BMERB1: variants seen among roughly 807,000 people sequenced by gnomAD.
BMERB1 encodes bMERB domain-containing protein 1.
BMERB1 carries 12 observed loss-of-function variants against 23.6 expected under a neutral mutation model. That is an observed-to-expected ratio of 0.51 (90% CI 0.33 to 0.82). The LOEUF (loss-of-function observed/expected upper bound fraction) is 0.82, where lower values mean the gene tolerates loss of function less well. Among genes scored for constraint, BMERB1 ranks in the 40% least tolerant of loss-of-function variants. The probability of loss-of-function intolerance (pLI) is 0.03; values close to 1 mark genes in which losing one functional copy is unlikely to be tolerated. For missense variants in BMERB1, 247 were observed against 255.4 expected (o/e 0.97, Z 0.22); for synonymous variants, 122 against 96.6 (o/e 1.26, Z -1.54).
At chr16:15,581,422 A>T (rs2031012478) in intron 4 of BMERB1, 91 bp downstream of exon 4, 1 of 1,043,198 alleles carries the variant, frequency 9.6e-7, no homozygotes, top group South Asian at 1.6e-5. Flanking sequence ...TGGGACTCAC[A>T]GCCTTGCCTA....
intron 2 of BMERB1, among the ~76,000 whole-genome samples, chr16:15,545,180 C>T (rs910428610): frequency 1.3e-5 from 2 of 152,052 alleles, no homozygotes; most frequent in Non-Finnish European, 2.9e-5. Flanking sequence ...ACCATGTTGG[C>T]CAGGCTGGTC....
chr16:15,536,331 CGAG>C, intron 2 of BMERB1, among the ~76,000 whole-genome samples: 1 of 152,172 alleles, frequency 6.6e-6, no homozygotes, highest in South Asian at 2.1e-4. Flanking sequence ...GCTTGGCAGA[CGAG>C]GCAGCAGCCC....
intron 1 of BMERB1, among the ~76,000 whole-genome samples, chr16:15,494,207 C>T (rs909844938): frequency 6.6e-6 from 1 of 152,096 alleles, no homozygotes; most frequent in Non-Finnish European, 1.5e-5. Flanking sequence ...CAATTTTAAC[C>T]GGGCAATTGT....
rs1033293328 is a variant in BMERB1, at chr16:15,510,906, T to C, written c.107-4399T>C. 1.6e-4 allele frequency among the ~76,000 whole-genome samples: 25 copies of C among 152,188 alleles called. No homozygotes were observed. In the East Asian group the frequency reaches 4.1e-3, roughly 25 times the overall value. ...TAGTAGAGACTGGATTTCACCGTGTTGGTCACACTGGTCTCGAACTCCTGA... is the reference window on the plus strand; with the variant it reads ...TAGTAGAGACTGGATTTCACCGTGTCGGTCACACTGGTCTCGAACTCCTGA... On this transcript the variant is annotated intron_variant, in intron 1 of 5. Transcript: ENST00000300006.
chr16:15,515,221 G>C (rs1598486350), intron 1 of BMERB1, 84 bp from the exon 2 acceptor site: 2 of 1,588,176 alleles, frequency 1.3e-6, no homozygotes, highest in East Asian at 4.5e-5. Flanking sequence ...CGCAGAGCAA[G>C]GCTGTGCCCT....
At chr16:15,438,680 G>A (rs895931588) in intron 1 of BMERB1, among the ~76,000 whole-genome samples, 2 of 152,116 alleles carry the variant, frequency 1.3e-5, no homozygotes, top group South Asian at 2.1e-4. Flanking sequence ...GGCTGGTCTC[G>A]AACTCCTGGC....
chr16:15,438,464 ATT>A (rs201673443), intron 1 of BMERB1, among the ~76,000 whole-genome samples: 225 of 144,702 alleles, frequency 1.6e-3, no homozygotes, highest in Non-Finnish European at 1.5e-3. Flanking sequence ...TTTCTAGACT[ATT>A]TTTTTTTTTT....
At chr16:15,525,153 G>A (rs556041284) in intron 2 of BMERB1, among the ~76,000 whole-genome samples, 22 of 152,290 alleles carry the variant, frequency 1.4e-4, no homozygotes, top group Non-Finnish European at 3.1e-4. Flanking sequence ...GGTGGGCCCC[G>A]TCCAATCAGT....
intron 1 of BMERB1, among the ~76,000 whole-genome samples, chr16:15,466,197 C>CCAG (rs746304766): frequency 2.6e-5 from 4 of 152,132 alleles, no homozygotes; most frequent in African/African-American, 4.8e-5. Flanking sequence ...TATGGCTGTC[C>CCAG]CAGCAGGTGG....
At chr16:15,487,506 C>T (rs1207112932) in intron 1 of BMERB1, among the ~76,000 whole-genome samples, 1 of 151,912 alleles carries the variant, frequency 6.6e-6, no homozygotes, top group Non-Finnish European at 1.5e-5. Flanking sequence ...CGATCCAGAC[C>T]CCAAGAGAGG....
chr16:15,562,815 C>T (rs1166980028), intron 2 of BMERB1, among the ~76,000 whole-genome samples: 2 of 152,210 alleles, frequency 1.3e-5, no homozygotes, highest in African/African-American at 4.8e-5. Context: ...CAGTCTGTGC[C>T]CTCCCGGCAA....
At chr16:15,512,439 G>C (rs965639283) in intron 1 of BMERB1, among the ~76,000 whole-genome samples, 3 of 152,162 alleles carry the variant, frequency 2.0e-5, no homozygotes, top group Admixed American at 6.5e-5. Context: ...CAGTTGGACA[G>C]GTAGAAACAG....
chr16:15,500,481 G>T (rs2051517322), intron 1 of BMERB1, among the ~76,000 whole-genome samples: 3 of 152,180 alleles, frequency 2.0e-5, no homozygotes, highest in African/African-American at 7.2e-5. Context: ...TAAGAGGGAA[G>T]CAGAAGAGTC....
At chr16:15,463,788 T>C (rs1021915786) in intron 1 of BMERB1, among the ~76,000 whole-genome samples, 3 of 151,950 alleles carry the variant, frequency 2.0e-5, no homozygotes, top group Admixed American at 6.6e-5. Context: ...GCTGTGAGGC[T>C]GTGCCATCCA....
intron 3 of BMERB1, among the ~76,000 whole-genome samples, chr16:15,578,618 C>T (rs1596403679): frequency 1.3e-5 from 2 of 152,140 alleles, no homozygotes; most frequent in Middle Eastern, 3.4e-3. Flanking sequence ...ACATTTATTA[C>T]AGTTCTGGAG....
At chr16:15,554,662 T>TC (rs895646087) in intron 2 of BMERB1, among the ~76,000 whole-genome samples, 9 of 80,568 alleles carry the variant, frequency 1.1e-4, no homozygotes, top group Non-Finnish European at 2.0e-4. Flanking sequence ...GACCAAGTAT[T>TC]CTTTTTTTTT....
intron 2 of BMERB1, among the ~76,000 whole-genome samples, chr16:15,520,559 C>G (rs144979547): frequency 6.7e-6 from 1 of 149,142 alleles, no homozygotes; most frequent in Non-Finnish European, 1.5e-5. Context: ...TCTGGACTCA[C>G]TACAAGCTCC....
At chr16:15,502,222 A>G in intron 1 of BMERB1, 1 of 1,441,684 alleles carries the variant, frequency 6.9e-7, no homozygotes, top group Non-Finnish European at 9.5e-7. Flanking sequence ...GGAAACAGAA[A>G]CTCGCAGAAG....
chr16:15,526,925 A>G (rs2051912366), intron 2 of BMERB1, among the ~76,000 whole-genome samples: 2 of 148,408 alleles, frequency 1.3e-5, no homozygotes, highest in African/African-American at 4.9e-5. Context: ...GTATGAAATA[A>G]TAGTAAATAA....
Sources: allele counts gnomAD v4.1 joint callset (sites outside exome capture counted in the v4.1 genomes callset), GRCh38; gene constraint gnomAD v4.1.1; transcripts MANE v1.5; gene names NCBI Gene and HGNC (gene_info 2026-07-23, HGNC 2026-07-21).